Variants in FBRS observed in about 807,000 individuals in gnomAD.
The protein encoded by FBRS is fibrosin.
In FBRS, 15 loss-of-function variants were observed where a neutral mutation model predicts 86.1. That is an observed-to-expected ratio of 0.17 (90% confidence interval 0.12 to 0.27). FBRS has a LOEUF of 0.27. FBRS is among the 10% of genes least tolerant of loss of function. The pLI is 1.00. For synonymous variants in FBRS, 666 were observed against 575.8 expected, an observed-to-expected ratio of 1.16 and a Z score of -2.24; for missense variants, 1,367 against 1,301.6, an observed-to-expected ratio of 1.05 and a Z score of -0.77.
rs972769940 is a variant in FBRS, at chr16:30,664,723, C to T, written c.1366C>T (p.Leu456=). The change falls in exon 8 of 18, where the codon CTG becomes TTG. Residue 456 remains leucine, a synonymous_variant. Coordinates refer to ENST00000356166, the MANE Select transcript of FBRS (RefSeq NM_001105079.3). ...CCCGTCCCCTCCCACAGAGCAGGAC[C>T]TGATCGGCCAGGACCTGAACTCTCG... ...SAANALSEQD[L]IGQDLNSRYL... 5 of 1,537,860 alleles carry T rather than the reference C, an allele frequency of 3.3e-6. No homozygotes were observed. The highest frequency in any genetic ancestry group is 4.4e-6 in the Non-Finnish European group (5 of 1,139,142).
rs1406805997 is a variant in FBRS at position 30,670,425 on chromosome 16, C to T, written c.*780C>T. ...TCTGCCCCCACCCCCAAAGGCTCAG[C>T]CTCTAAATCTCAGACTCCACCACCT... is the stretch of plus-strand genomic sequence containing the variant. On this transcript the variant is annotated 3_prime_UTR_variant, in exon 18 of 18. Coordinates refer to ENST00000356166, the MANE Select transcript of FBRS (RefSeq NM_001105079.3). 4.3e-5 allele frequency: 15 copies of T among 352,854 alleles called. No individual in the cohort carries two copies. The East Asian group carries it at 1.1e-3, about 26-fold the overall frequency. The allele number at this position is 352,854 out of a possible 1,614,324, so 21.9% of individuals were successfully genotyped here. A position where few individuals can be genotyped will look rare whatever the true frequency, so the allele number is the denominator to read the frequency against.
rs562881742 is a variant in FBRS, at chr16:30,664,983, G to A, written c.1564-52G>A. 3.0e-5 allele frequency: 48 copies of A among 1,609,094 alleles called. No individual in the cohort carries two copies. The South Asian group carries it at 5.1e-4, about 17-fold the overall frequency. ...CCTCTGGGGAGGGCATGGCTTCTGGGGGAAGGCCCGGGTCCCTGGCTGGCA... is the reference window on the plus strand; with the variant it reads ...CCTCTGGGGAGGGCATGGCTTCTGGAGGAAGGCCCGGGTCCCTGGCTGGCA... On this transcript the variant is annotated intron_variant, in intron 8 of 17. Transcript: ENST00000356166.
In FBRS at chr16:30,668,569, G is replaced by T. The variant is rs1345475206; in HGVS notation, c.2084G>T (p.Gly695Val). 4 of 1,611,908 alleles carry T rather than the reference G, an allele frequency of 2.5e-6. No individual in the cohort carries two copies. Among genetic ancestry groups the T allele is most frequent in the Non-Finnish European group, 3.4e-6 (4 of 1,178,780 alleles). The change falls in exon 16 of 18, where the codon GGG becomes GTG. Residue 695 changes from glycine to valine, a missense_variant. Gly to Val is a moderately radical substitution (Grantham distance 109, BLOSUM62 -3). Transcript: ENST00000356166. ...CCCTTTCCTCCCACAGATCCCTTTG[G>T]GCGTCCCACAAGCTTCGCCTCTTTG... ...LSPSTHIDPF[G>V]RPTSFASLAA... is the part of the protein sequence containing the mutation.
In FBRS at chr16:30,669,207, T is replaced by TGCCGCTGCTGCTGCCGCC; in HGVS notation, c.2514_2531dup (p.Ala844_Ala849dup). The TGCCGCTGCTGCTGCCGCC allele has an allele frequency of 1.3e-6, 2 of 1,544,324 alleles. No homozygotes were observed. The highest frequency in any genetic ancestry group is 4.9e-5 in the East Asian group (2 of 40,708). ...GGAAGGAGGAGGCTGCCGCCGCCGC[T>TGCCGCTGCTGCTGCCGCC]GCCGCTGCTGCTGCCGCCGCCGCTG... On this transcript the variant is annotated inframe_insertion, in exon 18 of 18. Coordinates refer to ENST00000356166, the MANE Select transcript of FBRS (RefSeq NM_001105079.3). This position sits in a 1 kb window ranked among gnomAD's most constrained non-coding sequence, Gnocchi z 5.9.
At chr16:30,660,060 A>AG (rs2052438269) in intron 1 of FBRS, 83 bp downstream of exon 1, 3 of 1,482,834 alleles carry the variant, frequency 2.0e-6, no homozygotes, top group African/African-American at 1.4e-5. Flanking sequence ...GGTGGAGTTG[A>AG]GGGGGGAATG....
rs771062025 is a variant in FBRS, at chr16:30,669,231, T to TGCCGCC, written c.2535_2540dup (p.Ala848_Ala849dup). 265 of 1,545,732 alleles carry TGCCGCC rather than the reference T, an allele frequency of 1.7e-4. 1 individual carries two copies. Among genetic ancestry groups the TGCCGCC allele is most frequent in the Admixed American group, 9.3e-4 (47 of 50,338 alleles). The stretch of plus-strand genomic sequence containing the variant: ...CTGCCGCTGCTGCTGCCGCCGCCGC[T>TGCCGCC]GCCGCCGCCGCAGCAGCCACTGGGC... On this transcript the variant is annotated inframe_insertion, in exon 18 of 18. Transcript: ENST00000356166. This position sits in a 1 kb window ranked among gnomAD's most constrained non-coding sequence, Gnocchi z 5.9.
At position 30,663,976 on chromosome 16, in the gene FBRS, G is replaced by A. The variant is rs150921417; in HGVS notation, c.1056-239G>A. 4.5e-3 allele frequency among the ~76,000 whole-genome samples: 679 copies of A among 152,340 alleles called. 4 individuals carry two copies. Among genetic ancestry groups the A allele is most frequent in the African/African-American group, 0.015 (643 of 41,566 alleles). On this transcript the variant is annotated intron_variant, in intron 6 of 17. Transcript: ENST00000356166. ...AGAAAGGGAAAGTCATCTGGCCAGA[G>A]ATGGCAGAGGCAGCTGCGTGGATGC...
At chr16:30,666,878 T>C (rs1360831738) in intron 12 of FBRS, 41 bp from the exon 13 acceptor site, 9 of 1,593,634 alleles carry the variant, frequency 5.6e-6, no homozygotes, top group African/African-American at 2.7e-5. Context: ...GTGAACGTTC[T>C]TTCCTTCCCT....
At chr16:30,660,135 G>A (rs911299813) in intron 1 of FBRS, 128 bp from the exon 2 acceptor site, 1 of 1,425,650 alleles carries the variant, frequency 7.0e-7, no homozygotes, top group Non-Finnish European at 9.2e-7. Context: ...TGGGGTGGGA[G>A]GAGGTAGAGC....
At position 30,670,316 on chromosome 16, in the gene FBRS, G is replaced by T. The variant is rs1402178972; in HGVS notation, c.*671G>T. 2.5e-6 allele frequency: 1 copy of T among 402,150 alleles called. No individual in the cohort carries two copies. Among genetic ancestry groups the T allele is most frequent in the Non-Finnish European group, 4.9e-6 (1 of 202,872 alleles). 24.9% of individuals were successfully genotyped at this position (402,150 alleles called of 1,614,324 possible). The stretch of plus-strand genomic sequence containing the variant: ...GCAGGAGATGACCAACAGGGGGCAG[G>T]ACCTGGGGACCTGGGCTGGAGGGAA... On this transcript the variant is annotated 3_prime_UTR_variant, in exon 18 of 18. Coordinates refer to ENST00000356166, the MANE Select transcript of FBRS (RefSeq NM_001105079.3).
chr16:30,668,753 T>C lies in FBRS; in HGVS notation c.2159-19T>C, dbSNP rs1472903924. The C allele has an allele frequency of 1.3e-6, 2 of 1,593,764 alleles. No homozygotes were observed. The highest frequency in any genetic ancestry group is 1.1e-5 in the South Asian group (1 of 90,498). On this transcript the variant is annotated intron_variant, in intron 16 of 17. Coordinates refer to ENST00000356166, the MANE Select transcript of FBRS (RefSeq NM_001105079.3). ...CCCACTTCTGGCCCCTGTCACTCTC[T>C]GCTTCACCCTCTGCCCAGACTCCGG...
chr16:30,663,808 C>T lies in FBRS; in HGVS notation c.1056-407C>T, dbSNP rs2052488216. 4.6e-5 allele frequency among the ~76,000 whole-genome samples: 7 copies of T among 152,310 alleles called. No individual in the cohort carries two copies. In the South Asian group the frequency reaches 1.4e-3, roughly 32 times the overall value. The stretch of plus-strand genomic sequence containing the variant: ...TCAAGGTCACCCCGGGCATTCATGG[C>T]AAGATGGGCCTAGAATTCAGGTCTC... On this transcript the variant is annotated intron_variant, in intron 6 of 17. Coordinates refer to ENST00000356166, the MANE Select transcript of FBRS (RefSeq NM_001105079.3).
At chr16:30,664,980 TG>T (rs1567545805) in intron 8 of FBRS, 54 bp from the exon 9 acceptor site, 1 of 1,609,558 alleles carries the variant, frequency 6.2e-7, no homozygotes, top group Non-Finnish European at 8.5e-7. Flanking sequence ...GCATGGCTTC[TG>T]GGGGAAGGCC....
intron 11 of FBRS, chr16:30,666,027 G>A (rs2052518583): frequency 2.4e-6 from 1 of 408,994 alleles, no homozygotes; most frequent in Non-Finnish European, 4.4e-6. Flanking sequence ...CAAAAGATAA[G>A]CTGCCCCTTG....
At chr16:30,668,305 C>T (rs1184811022) in intron 15 of FBRS, 1 of 474,362 alleles carries the variant, frequency 2.1e-6, no homozygotes, top group East Asian at 3.2e-5. Flanking sequence ...GTCATTTCAC[C>T]TCTCTGAGCC....
rs1200510697 is a variant in FBRS at position 30,664,878 on chromosome 16, C to T, written c.1521C>T (p.Thr507=). 6.2e-7 allele frequency: 1 copy of T among 1,608,664 alleles called. No homozygotes were observed. The highest frequency in any genetic ancestry group is 8.5e-7 in the Non-Finnish European group (1 of 1,177,658). ...HTHQHTHQHF[T]PYPPGLLPPH... ...ACCAGCACACCCACCAGCACTTCAC[C>T]CCTTATCCCCCGGGCCTGCTGCCAC... Residue 507 remains threonine, a synonymous_variant, in exon 8 of 18, where the codon ACC becomes ACT. Coordinates refer to ENST00000356166, the MANE Select transcript of FBRS (RefSeq NM_001105079.3).
In FBRS at chr16:30,670,573, T is replaced by C. The variant is rs866720614; in HGVS notation, c.*928T>C. 9.5e-6 allele frequency: 2 copies of C among 210,420 alleles called. No individual in the cohort carries two copies. The highest frequency in any genetic ancestry group is 6.4e-5 in the South Asian group (1 of 15,566). 13.0% of individuals were successfully genotyped at this position (210,420 alleles called of 1,614,324 possible). On this transcript the variant is annotated 3_prime_UTR_variant, in exon 18 of 18. Coordinates refer to ENST00000356166, the MANE Select transcript of FBRS (RefSeq NM_001105079.3). Reference sequence around the variant, plus strand: ...TAAGGGTGGCCAGAGAAGGTCACCATGTACCACACACCAAAGAAGGGGGTC... The same window carrying C: ...TAAGGGTGGCCAGAGAAGGTCACCACGTACCACACACCAAAGAAGGGGGTC...
rs2052501455 is a variant in FBRS, at chr16:30,664,737, C to A, written c.1380C>A (p.Asp460Glu). ...ALSEQDLIGQ[D>E]LNSRYLNAQG... ...CAGAGCAGGACCTGATCGGCCAGGA[C>A]CTGAACTCTCGCTACCTGAATGCCC... The change falls in exon 8 of 18, where the codon GAC becomes GAA. Residue 460 changes from aspartate to glutamate, a missense_variant. Physicochemically the swap from Asp to Glu is conservative, Grantham distance 45. Around this residue, in one of 3 missense-constraint regions of FBRS, gnomAD observed 702 missense variants for 598.7 expected, o/e 1.17. Coordinates refer to ENST00000356166, the MANE Select transcript of FBRS (RefSeq NM_001105079.3). The A allele has an allele frequency of 6.5e-7, 1 of 1,547,358 alleles. No homozygotes were observed. The highest frequency in any genetic ancestry group is 8.7e-7 in the Non-Finnish European group (1 of 1,144,522).
rs1191338033 is a variant in FBRS, at chr16:30,670,757, T to G, written c.*1112T>G. 1 of 156,878 alleles carries G rather than the reference T, an allele frequency of 6.4e-6. No homozygotes were observed. The highest frequency in any genetic ancestry group is 1.4e-5 in the Non-Finnish European group (1 of 69,984). The allele number at this position is 156,878 out of a possible 1,614,324, so 9.7% of individuals were successfully genotyped here. On this transcript the variant is annotated 3_prime_UTR_variant, in exon 18 of 18. Coordinates refer to ENST00000356166, the MANE Select transcript of FBRS (RefSeq NM_001105079.3). ...GTTGACTTTTTTCCCTGGTGGGGCT[T>G]CTTCTGTAACATGACTTGCGAATAT... is the stretch of plus-strand genomic sequence containing the variant.
Sources: allele counts gnomAD v4.1 joint callset (sites outside exome capture counted in the v4.1 genomes callset), GRCh38; gene constraint gnomAD v4.1.1; regional missense constraint gnomAD v4.1.1; non-coding constraint Gnocchi (gnomAD v3.1); transcripts MANE v1.5; gene names NCBI Gene and HGNC (gene_info 2026-07-23, HGNC 2026-07-21).